Variants in NELL1 observed in about 807,000 individuals in gnomAD.
The protein encoded by NELL1 is protein kinase C-binding protein NELL1.
In NELL1, 76 loss-of-function variants were observed where a neutral mutation model predicts 107.4. That is an observed-to-expected ratio of 0.71 (90% confidence interval 0.59 to 0.86). The LOEUF is 0.86. Ranked by LOEUF, NELL1 falls within the 40% of genes least tolerant of loss-of-function variation. The probability of loss-of-function intolerance (pLI) is 0.00; values close to 1 mark genes in which losing one functional copy is unlikely to be tolerated. For synonymous variants in NELL1, 353 were observed against 341.2 expected, an observed-to-expected ratio of 1.03 and a Z score of -0.38; for missense variants, 1,024 against 1,005.5, an observed-to-expected ratio of 1.02 and a Z score of -0.25.
intron 4 of NELL1, among the ~76,000 whole-genome samples, chr11:20,876,997 T>A (rs1849317811): frequency 6.6e-6 from 1 of 152,176 alleles, no homozygotes; most frequent in African/African-American, 2.4e-5. Context: ...ATTTTTCTTA[T>A]GAGGCTAAGA....
At chr11:21,258,623 C>T (rs1040038147) in intron 14 of NELL1, among the ~76,000 whole-genome samples, 2 of 151,770 alleles carry the variant, frequency 1.3e-5, no homozygotes, top group South Asian at 2.1e-4. Context: ...ATATGGCCCA[C>T]CTAGGTAATG....
chr11:21,135,280 C>T (rs747023219), intron 13 of NELL1, among the ~76,000 whole-genome samples: 1 of 152,048 alleles, frequency 6.6e-6, no homozygotes, highest in South Asian at 2.1e-4. Context: ...AATATATATC[C>T]TCTTAGGTAT....
chr11:20,851,076 C>T (rs1260388270), intron 4 of NELL1, among the ~76,000 whole-genome samples: 1 of 152,124 alleles, frequency 6.6e-6, no homozygotes, highest in Non-Finnish European at 1.5e-5. Flanking sequence ...ACAACCACAC[C>T]AGGGAGTCTT....
intron 13 of NELL1, among the ~76,000 whole-genome samples, chr11:21,186,722 G>A (rs1031871199): frequency 6.6e-6 from 1 of 151,794 alleles, no homozygotes; most frequent in Admixed American, 6.6e-5. Context: ...TTATATCACT[G>A]GAACATCCAG....
At chr11:20,684,883 A>T (rs1279169242) in intron 2 of NELL1, among the ~76,000 whole-genome samples, 1 of 152,004 alleles carries the variant, frequency 6.6e-6, no homozygotes, top group Non-Finnish European at 1.5e-5. Context: ...GGGATTTTCC[A>T]GTTTGACTGG....
At chr11:20,906,441 C>T (rs1394482404) in intron 5 of NELL1, among the ~76,000 whole-genome samples, 1 of 152,062 alleles carries the variant, frequency 6.6e-6, no homozygotes, top group African/African-American at 2.4e-5. Flanking sequence ...AACATCAATC[C>T]TTCTTAAACT....
intron 14 of NELL1, among the ~76,000 whole-genome samples, chr11:21,338,992 T>C (rs1458226735): frequency 6.6e-6 from 1 of 152,186 alleles, no homozygotes; most frequent in Non-Finnish European, 1.5e-5. Flanking sequence ...ATCTCCAGTC[T>C]AAATAGATTT....
intron 1 of NELL1, among the ~76,000 whole-genome samples, chr11:20,673,258 G>A (rs1853965255): frequency 6.6e-6 from 1 of 152,096 alleles, no homozygotes; most frequent in African/African-American, 2.4e-5. Flanking sequence ...CAAGGATCAT[G>A]GAAAATACTG....
chr11:20,684,778 GA>G (rs1854269173), intron 2 of NELL1, among the ~76,000 whole-genome samples: 1 of 152,108 alleles, frequency 6.6e-6, no homozygotes, highest in Admixed American at 6.6e-5. Flanking sequence ...TGGGCCCAGA[GA>G]AGTGCTAGTG....
rs114684872 is a variant in NELL1 at position 21,421,473 on chromosome 11, A to G, written c.1645+50525A>G. The stretch of plus-strand genomic sequence containing the variant: ...GCAGGAGCCATGCTGGGCAATAAAG[A>G]TCCTGTCCTCCAGATATCAGAGATT... On this transcript the variant is annotated intron_variant, in intron 15 of 19. Transcript: ENST00000357134. Among the ~76,000 whole-genome samples, 747 of 152,170 alleles carry G rather than the reference A, an allele frequency of 4.9e-3. 5 individuals are homozygous for G. The highest frequency in any genetic ancestry group is 0.017 in the African/African-American group (716 of 41,524).
chr11:20,903,391 A>G (rs895630153), intron 5 of NELL1, among the ~76,000 whole-genome samples: 2 of 152,086 alleles, frequency 1.3e-5, no homozygotes, highest in Non-Finnish European at 2.9e-5. Flanking sequence ...CATTAAAATC[A>G]TATTAGAAGA....
At chr11:20,920,673 A>T (rs1056261320) in intron 7 of NELL1, among the ~76,000 whole-genome samples, 8 of 152,122 alleles carry the variant, frequency 5.3e-5, no homozygotes, top group African/African-American at 1.7e-4. Context: ...AACAAGAAAC[A>T]TGCCACTCTG....
chr11:21,511,119 G>A (rs1341147903), intron 15 of NELL1, among the ~76,000 whole-genome samples: 3 of 152,128 alleles, frequency 2.0e-5, no homozygotes, highest in African/African-American at 4.8e-5. Flanking sequence ...TTAGAAGAGT[G>A]CTTGGCAGAG....
At chr11:20,903,657 G>T (rs1038998788) in intron 5 of NELL1, among the ~76,000 whole-genome samples, 4 of 152,024 alleles carry the variant, frequency 2.6e-5, no homozygotes, top group Non-Finnish European at 5.9e-5. Context: ...TGACTTTTTA[G>T]ATTAGTTGTT....
chr11:21,496,759 C>T (rs1179228540), intron 15 of NELL1, among the ~76,000 whole-genome samples: 1 of 152,040 alleles, frequency 6.6e-6, no homozygotes, highest in East Asian at 1.9e-4. Flanking sequence ...CAAATTTATT[C>T]TCTCCCTACT....
intron 2 of NELL1, among the ~76,000 whole-genome samples, chr11:20,755,556 G>GT (rs1188989442): frequency 0.031 from 713 of 23,318 alleles, 14 homozygotes; most frequent in African/African-American, 0.057. Context: ...TTTTGTTTTT[G>GT]TTTTTGTTTT....
At chr11:21,556,813 CAGAG>C (rs1259477221) in intron 16 of NELL1, among the ~76,000 whole-genome samples, 7 of 151,850 alleles carry the variant, frequency 4.6e-5, no homozygotes, top group Non-Finnish European at 8.8e-5. Context: ...AGAAGAAACA[CAGAG>C]AGATCACAGC....
intron 8 of NELL1, 57 bp downstream of exon 8, chr11:20,927,499 A>G (rs1850526054): frequency 2.6e-6 from 4 of 1,516,998 alleles, no homozygotes; most frequent in African/African-American, 2.8e-5. Context: ...GAGGTTTGAT[A>G]ATTAGAGTGT....
At chr11:21,213,256 A>C (rs527405322) in intron 13 of NELL1, among the ~76,000 whole-genome samples, 215 of 152,306 alleles carry the variant, frequency 1.4e-3, no homozygotes, top group African/African-American at 4.7e-3. Flanking sequence ...GGCATACTGT[A>C]TCCATGGATT....
Sources: allele counts gnomAD v4.1 joint callset (sites outside exome capture counted in the v4.1 genomes callset), GRCh38; gene constraint gnomAD v4.1.1; transcripts MANE v1.5; gene names NCBI Gene and HGNC (gene_info 2026-07-23, HGNC 2026-07-21).